SYNJ2BP: variants seen among roughly 807,000 people sequenced by gnomAD.
SYNJ2BP encodes synaptojanin-2-binding protein.
Under a neutral mutation model 16.9 loss-of-function variants are expected in SYNJ2BP, and 10 were observed. The ratio of observed to expected loss-of-function variants is 0.59; its 90% CI spans 0.36 to 1.00. The LOEUF (loss-of-function observed/expected upper bound fraction) is 1.00, where lower values mean the gene tolerates loss of function less well. Ranked by LOEUF, SYNJ2BP falls within the 50% of genes least tolerant of loss-of-function variation. SYNJ2BP has a pLI of 0.01. For missense variants in SYNJ2BP, 162 were observed against 186.7 expected, an observed-to-expected ratio of 0.87 and a Z score of 0.77; for synonymous variants, 54 against 68.4, an observed-to-expected ratio of 0.79 and a Z score of 1.04.
rs1176353437 is a variant in SYNJ2BP, at chr14:70,370,486, C to T, written c.*2505G>A. On this transcript the variant is annotated 3_prime_UTR_variant, in exon 4 of 4. Transcript: ENST00000256366. ...GTATTGAATAGTTGATGTCAAAAGG[C>T]ACTTTATGTCAGGACTGTTTAAAGC... 1.3e-5 allele frequency: 2 copies of T among 152,174 alleles called. No homozygotes were observed. The highest frequency in any genetic ancestry group is 3.8e-4 in the East Asian group (2 of 5,200). The allele number at this position is 152,174 out of a possible 1,614,324, so 9.4% of individuals were successfully genotyped here. A position where few individuals can be genotyped will look rare whatever the true frequency, so the allele number is the denominator to read the frequency against.
intron 1 of SYNJ2BP, among the ~76,000 whole-genome samples, chr14:70,399,437 G>A (rs897731801): frequency 6.6e-6 from 1 of 152,214 alleles, no homozygotes; most frequent in African/African-American, 2.4e-5. Context: ...TCCCTGCAGT[G>A]GCAGCAGGCA....
chr14:70,415,662 A>G (rs1371768159), intron 1 of SYNJ2BP, among the ~76,000 whole-genome samples: 1 of 151,152 alleles, frequency 6.6e-6, no homozygotes, highest in African/African-American at 2.4e-5. Flanking sequence ...TGATTAAGCT[A>G]CTGCAGAACT....
chr14:70,394,300 A>G (rs986138063), intron 1 of SYNJ2BP, among the ~76,000 whole-genome samples: 3 of 152,110 alleles, frequency 2.0e-5, no homozygotes, highest in African/African-American at 4.8e-5. Flanking sequence ...GATACAGGAT[A>G]GAGTTTAGGT....
rs747078432 is a variant in SYNJ2BP at position 70,407,901 on chromosome 14, T to C, written c.64+8999A>G. 7.1e-4 allele frequency among the ~76,000 whole-genome samples: 108 copies of C among 152,350 alleles called. 1 individual carries two copies. Among genetic ancestry groups the C allele is most frequent in the Non-Finnish European group, 1.2e-3 (81 of 68,038 alleles). ...TCTCATTACCCTATTGCAATATTCGTTCCTAGAAGACAATGTAATTAGCTT... is the reference window on the plus strand; with the variant it reads ...TCTCATTACCCTATTGCAATATTCGCTCCTAGAAGACAATGTAATTAGCTT... On this transcript the variant is annotated intron_variant, in intron 1 of 3. Coordinates refer to ENST00000256366, the MANE Select transcript of SYNJ2BP (RefSeq NM_018373.3).
chr14:70,406,956 G>A (rs1159529996), intron 1 of SYNJ2BP, among the ~76,000 whole-genome samples: 1 of 152,194 alleles, frequency 6.6e-6, no homozygotes, highest in Admixed American at 6.5e-5. Context: ...AGTCTAGGCA[G>A]CGAGCAAGAA....
At chr14:70,414,133 A>G (rs1292638334) in intron 1 of SYNJ2BP, among the ~76,000 whole-genome samples, 1 of 152,210 alleles carries the variant, frequency 6.6e-6, no homozygotes, top group Non-Finnish European at 1.5e-5. Flanking sequence ...TGAGAAGAAG[A>G]GTATCACATA....
intron 1 of SYNJ2BP, among the ~76,000 whole-genome samples, chr14:70,405,638 A>G (rs1259302830): frequency 6.6e-5 from 10 of 152,186 alleles, no homozygotes. Flanking sequence ...TAATAGATTA[A>G]AAAAGGGTTA....
At chr14:70,377,645 T>C (rs10142875) in intron 2 of SYNJ2BP, among the ~76,000 whole-genome samples, 132,424 of 152,100 alleles carry the variant, frequency 0.87, 57,715 homozygotes, top group East Asian at 0.93. Flanking sequence ...CCCTAGTCTC[T>C]GAATTAGATC....
chr14:70,378,820 CT>C (rs1366038713), intron 2 of SYNJ2BP, among the ~76,000 whole-genome samples: 3 of 152,158 alleles, frequency 2.0e-5, no homozygotes, highest in Non-Finnish European at 2.9e-5. Context: ...CAATAAACTG[CT>C]TTTCCTTTTG....
At chr14:70,411,794 C>T (rs1050490724) in intron 1 of SYNJ2BP, among the ~76,000 whole-genome samples, 15 of 152,176 alleles carry the variant, frequency 9.9e-5, no homozygotes, top group East Asian at 1.9e-4. Flanking sequence ...TGCTCCTTTC[C>T]GCACTTCCTT....
intron 1 of SYNJ2BP, among the ~76,000 whole-genome samples, chr14:70,401,649 C>T (rs1226514155): frequency 6.6e-6 from 1 of 151,452 alleles, no homozygotes; most frequent in Non-Finnish European, 1.5e-5. Context: ...CTTCACTGGC[C>T]TTTTACAAAA....
intron 1 of SYNJ2BP, among the ~76,000 whole-genome samples, chr14:70,405,333 G>A (rs1888324018): frequency 6.6e-6 from 1 of 152,088 alleles, no homozygotes; most frequent in Non-Finnish European, 1.5e-5. Flanking sequence ...AAGGTAGAAT[G>A]CCAATATCAA....
rs146397301 is a variant in SYNJ2BP at position 70,388,517 on chromosome 14, C to A, written c.154G>T (p.Ala52Ser). ...TGGAGCCGCCCATCCAGGGCCGCAG[C>A]CCCATTTTCTTTGATGCGGCTGACG... ...IYVSRIKENG[A>S]AALDGRLQEG... Residue 52 changes from alanine (A) to serine (S), a missense_variant, in exon 2 of 4, where the codon GCT becomes TCT. Coordinates refer to ENST00000256366, the MANE Select transcript of SYNJ2BP (RefSeq NM_018373.3). 52 of 1,598,668 alleles carry A rather than the reference C, an allele frequency of 3.3e-5. No homozygotes were observed. Among genetic ancestry groups the A allele is most frequent in the Non-Finnish European group, 3.9e-5 (46 of 1,172,830 alleles).
At position 70,385,517 on chromosome 14, in the gene SYNJ2BP, C is replaced by T. The variant is rs574606125; in HGVS notation, c.201+2953G>A. ...GGGACTACAGGCGCGTGCACCAAGG[C>T]GCGTGCCACCATGCCCACCTAATTT... On this transcript the variant is annotated intron_variant, in intron 2 of 3. Transcript: ENST00000256366. 1.6e-4 allele frequency among the ~76,000 whole-genome samples: 24 copies of T among 151,914 alleles called. No individual in the cohort carries two copies. The East Asian group carries it at 2.9e-3, about 18-fold the overall frequency.
At chr14:70,407,608 T>G (rs527774745) in intron 1 of SYNJ2BP, among the ~76,000 whole-genome samples, 1 of 152,050 alleles carries the variant, frequency 6.6e-6, no homozygotes, top group East Asian at 1.9e-4. Context: ...TATGATAAAA[T>G]GATTTTTAAA....
intron 1 of SYNJ2BP, among the ~76,000 whole-genome samples, chr14:70,413,281 C>A (rs141232495): frequency 3.0e-4 from 45 of 152,316 alleles, no homozygotes; most frequent in Middle Eastern, 3.4e-3. Flanking sequence ...AGAAAGCAGA[C>A]AACAGGAGAG....
At chr14:70,416,678 T>C (rs1888617693) in intron 1 of SYNJ2BP, among the ~76,000 whole-genome samples, 1 of 152,190 alleles carries the variant, frequency 6.6e-6, no homozygotes, top group Non-Finnish European at 1.5e-5. Context: ...ACTATATATA[T>C]TTGTGTTCAT....
chr14:70,396,448 G>C (rs1416616798), intron 1 of SYNJ2BP, among the ~76,000 whole-genome samples: 1 of 152,050 alleles, frequency 6.6e-6, no homozygotes, highest in East Asian at 1.9e-4. Context: ...TATATACCTA[G>C]GAGTGGAATT....
Position 70,373,139 on chromosome 14 carries a change from G to C in SYNJ2BP, c.298-8C>G. The C allele has an allele frequency of 3.1e-6, 5 of 1,612,400 alleles. No homozygotes were observed. The highest frequency in any genetic ancestry group is 4.2e-6 in the Non-Finnish European group (5 of 1,179,490). The stretch of plus-strand genomic sequence containing the variant: ...TCCATTCTGCACCTGTAACTGGAAG[G>C]GAAAGAAAAATGTTAACTCTAGTGA... On this transcript the variant is annotated splice_polypyrimidine_tract_variant and splice_region_variant and intron_variant, in intron 3 of 3. Transcript: ENST00000256366.
Sources: allele counts gnomAD v4.1 joint callset (sites outside exome capture counted in the v4.1 genomes callset), GRCh38; gene constraint gnomAD v4.1.1; transcripts MANE v1.5; gene names NCBI Gene and HGNC (gene_info 2026-07-23, HGNC 2026-07-21).